The following EIF2AK2 variants were observed in gnomAD, a reference collection of about 807,000 sequenced individuals.
The protein encoded by EIF2AK2 is interferon-induced, double-stranded RNA-activated protein kinase.
In EIF2AK2, 40 loss-of-function variants were observed where a neutral mutation model predicts 70.5. The observed-to-expected ratio is 0.57, with a 90% confidence interval of 0.44 to 0.74. The LOEUF is 0.74. Among genes scored for constraint, EIF2AK2 ranks in the 30% least tolerant of loss-of-function variants. The pLI, the probability that EIF2AK2 is intolerant of heterozygous loss-of-function variation, is 0.00. For missense variants in EIF2AK2, 555 were observed against 644.3 expected, an observed-to-expected ratio of 0.86 and a Z score of 1.50; for synonymous variants, 198 against 220.9, an observed-to-expected ratio of 0.90 and a Z score of 0.92.
intron 3 of EIF2AK2, 130 bp downstream of exon 3, chr2:37,147,558 C>T (rs4648163): frequency 0.036 from 15,688 of 435,798 alleles, 388 homozygotes; most frequent in Middle Eastern, 0.052. Flanking sequence ...TGAGAACATG[C>T]GGTGTTTGGT....
At chr2:37,154,672 T>C (rs1434761427) in intron 1 of EIF2AK2, among the ~76,000 whole-genome samples, 2 of 152,120 alleles carry the variant, frequency 1.3e-5, no homozygotes, top group African/African-American at 4.8e-5. Context: ...GCGATTCTCC[T>C]GCCTCAGCAT....
At position 37,114,875 on chromosome 2, in the gene EIF2AK2, AT is replaced by A; in HGVS notation, c.1249-17del. ...TATTACTTGGCTATGAAAAAAAAAA[AT>A]TTAACTTACATGTACCAACTTAACA... On this transcript the variant is annotated splice_polypyrimidine_tract_variant and intron_variant, in intron 13 of 16. Transcript: ENST00000233057. The A allele has an allele frequency of 4.7e-6, 7 of 1,500,546 alleles. No homozygotes were observed. The highest frequency in any genetic ancestry group is 1.3e-5 in the South Asian group (1 of 78,302). The allele number at this position is 1,500,546 out of a possible 1,614,324, so 93.0% of individuals were successfully genotyped here.
rs759161819 is a variant in EIF2AK2, at chr2:37,135,557, A to C, written c.723-11T>G. On this transcript the variant is annotated splice_polypyrimidine_tract_variant and intron_variant, in intron 9 of 16. Coordinates refer to ENST00000233057, the MANE Select transcript of EIF2AK2 (RefSeq NM_001135651.3). ...CTGGGTGCCAAAGATCTAAAAATTA[A>C]GAGTTGAATGTAAAACTCAAATAAA... is the stretch of plus-strand genomic sequence containing the variant. 3.7e-6 allele frequency: 6 copies of C among 1,606,524 alleles called. No homozygotes were observed. Among genetic ancestry groups the C allele is most frequent in the Non-Finnish European group, 5.1e-6 (6 of 1,175,350 alleles).
rs561026881 is a variant in EIF2AK2, at chr2:37,106,414, T to C, written c.*859A>G. 1 of 152,244 alleles carries C rather than the reference T, an allele frequency of 6.6e-6. No homozygotes were observed. The highest frequency in any genetic ancestry group is 2.4e-5 in the African/African-American group (1 of 41,462). 9.4% of individuals were successfully genotyped at this position (152,244 alleles called of 1,614,324 possible). A position where few individuals can be genotyped will look rare whatever the true frequency, so the allele number is the denominator to read the frequency against. ...TCCATTCTTCTTTTGATGTGCATTA[T>C]GGTTGTTCCCTGTTCTTTTGGCTAT... On this transcript the variant is annotated 3_prime_UTR_variant, in exon 17 of 17. Coordinates refer to ENST00000233057, the MANE Select transcript of EIF2AK2 (RefSeq NM_001135651.3).
chr2:37,128,304 T>C (rs1365653355), intron 10 of EIF2AK2, among the ~76,000 whole-genome samples: 1 of 152,256 alleles, frequency 6.6e-6, no homozygotes, highest in African/African-American at 2.4e-5. Context: ...AGACTTTTTT[T>C]CAAGTGAAAT....
Position 37,137,014 on chromosome 2 carries a change from C to T in EIF2AK2, c.691G>A (p.Gly231Ser). 6.2e-7 allele frequency: 1 copy of T among 1,601,466 alleles called. No homozygotes were observed. Among genetic ancestry groups the T allele is most frequent in the South Asian group, 1.1e-5 (1 of 88,762 alleles). Residue 231 changes from glycine (G) to serine (S), a missense_variant, in exon 9 of 17, where the codon GGT becomes AGT. Gly to Ser is a moderately conservative substitution (Grantham distance 56). Coordinates refer to ENST00000233057, the MANE Select transcript of EIF2AK2 (RefSeq NM_001135651.3). ...GCCTTCCTTTGATTATTTCTGAGAC[C>T]ATTCTATAACAAAAGAAAATGAGAA... ...SLNSSSLLMN[G>S]LRNNQRKAKR... is the part of the protein sequence containing the mutation.
intron 1 of EIF2AK2, among the ~76,000 whole-genome samples, chr2:37,152,420 T>C (rs967989872): frequency 2.6e-5 from 4 of 152,058 alleles, no homozygotes; most frequent in Non-Finnish European, 4.4e-5. Flanking sequence ...TAGCTGGGAC[T>C]ATGGGACTAC....
intron 11 of EIF2AK2, among the ~76,000 whole-genome samples, chr2:37,122,992 C>A (rs1190098577): frequency 6.6e-6 from 1 of 151,878 alleles, no homozygotes; most frequent in Non-Finnish European, 1.5e-5. Context: ...ATGGTGAAAC[C>A]CCATCTCTAC....
intron 4 of EIF2AK2, among the ~76,000 whole-genome samples, chr2:37,143,189 C>T (rs189161562): frequency 1.4e-5 from 2 of 144,956 alleles, no homozygotes; most frequent in African/African-American, 5.1e-5. Flanking sequence ...TGCCACTGCA[C>T]TCCAGCCTGG....
chr2:37,151,882 C>T (rs1024704120), intron 1 of EIF2AK2, among the ~76,000 whole-genome samples: 13 of 152,308 alleles, frequency 8.5e-5, no homozygotes, highest in East Asian at 3.9e-4. Context: ...ATCGAGACCA[C>T]GGTGAAACCT....
chr2:37,120,759 T>C (rs944952387), intron 12 of EIF2AK2, among the ~76,000 whole-genome samples: 2 of 141,074 alleles, frequency 1.4e-5, no homozygotes, highest in Non-Finnish European at 3.1e-5. Flanking sequence ...GCTCAGGAGT[T>C]TGAGACCAGC....
Position 37,109,298 on chromosome 2 carries a change from A to G in EIF2AK2, c.1378-3T>C. ...TTTCCATAGTCTTGCGAAGAAATCT[A>G]AAGAGACCAAAATAGATTTACCTTT... On this transcript the variant is annotated splice_polypyrimidine_tract_variant and splice_region_variant and intron_variant, in intron 14 of 16. Coordinates refer to ENST00000233057, the MANE Select transcript of EIF2AK2 (RefSeq NM_001135651.3). 1 of 1,612,248 alleles carries G rather than the reference A, an allele frequency of 6.2e-7. No individual in the cohort carries two copies. The highest frequency in any genetic ancestry group is 8.5e-7 in the Non-Finnish European group (1 of 1,178,714).
intron 14 of EIF2AK2, among the ~76,000 whole-genome samples, chr2:37,113,009 A>G (rs1674209775): frequency 6.6e-6 from 1 of 152,270 alleles, no homozygotes; most frequent in South Asian, 2.1e-4. Flanking sequence ...CTTAACACGT[A>G]GTGATGAAGC....
rs1461137361 is a variant in EIF2AK2 at position 37,105,171 on chromosome 2, A to G, written c.*2102T>C. 2.0e-5 allele frequency: 3 copies of G among 151,888 alleles called. No homozygotes were observed. Among genetic ancestry groups the G allele is most frequent in the African/African-American group, 7.3e-5 (3 of 41,334 alleles). The allele number at this position is 151,888 out of a possible 1,614,324, so 9.4% of individuals were successfully genotyped here. Reference sequence around the variant, plus strand: ...TAACCTAAATTTGGCCCTTTTTAAAAATCCTAAAATCATATGGCAGTTTTA... The same window carrying G: ...TAACCTAAATTTGGCCCTTTTTAAAGATCCTAAAATCATATGGCAGTTTTA... On this transcript the variant is annotated 3_prime_UTR_variant, in exon 17 of 17. Coordinates refer to ENST00000233057, the MANE Select transcript of EIF2AK2 (RefSeq NM_001135651.3).
At chr2:37,139,809 C>T (rs2148703275) in intron 5 of EIF2AK2, 52 bp from the exon 6 acceptor site, 2 of 1,551,800 alleles carry the variant, frequency 1.3e-6, no homozygotes, top group East Asian at 4.5e-5. Context: ...TATAGCAAAT[C>T]CAACTTAGGA....
chr2:37,123,826 A>T (rs1674639268), intron 11 of EIF2AK2, among the ~76,000 whole-genome samples: 1 of 152,216 alleles, frequency 6.6e-6, no homozygotes, highest in Admixed American at 6.5e-5. Flanking sequence ...GCAGTAAATA[A>T]ATTGGAGATT....
intron 1 of EIF2AK2, among the ~76,000 whole-genome samples, chr2:37,152,275 G>A (rs770711187): frequency 4.6e-5 from 7 of 151,910 alleles, no homozygotes; most frequent in African/African-American, 9.7e-5. Context: ...TTCTTCCAGG[G>A]CCACTCTTTC....
intron 1 of EIF2AK2, among the ~76,000 whole-genome samples, chr2:37,153,942 G>A (rs966254976): frequency 6.6e-6 from 1 of 152,180 alleles, no homozygotes; most frequent in Non-Finnish European, 1.5e-5. Context: ...CACCAGCAAT[G>A]CACGAGGGTT....
At chr2:37,132,173 T>G (rs1674964578) in intron 10 of EIF2AK2, among the ~76,000 whole-genome samples, 1 of 152,148 alleles carries the variant, frequency 6.6e-6, no homozygotes. Flanking sequence ...CTCTAGTATC[T>G]ATTTCCCCTC....
Sources: gnomAD v4.1 joint callset for allele counts (sites outside exome capture counted in the v4.1 genomes callset) on GRCh38, gnomAD v4.1.1 for gene constraint, MANE v1.5 for transcripts, NCBI Gene and HGNC (gene_info 2026-07-23, HGNC 2026-07-21) for gene names.